Variants in GULP1 observed in about 807,000 individuals in gnomAD.
The protein encoded by GULP1 is GULP PTB domain containing engulfment adaptor 1, also known as PTB domain-containing engulfment adapter protein 1.
A neutral mutation model predicts 40.9 loss-of-function variants in GULP1; 19 were observed. The ratio of observed to expected loss-of-function variants is 0.46; its 90% confidence interval spans 0.32 to 0.68. The LOEUF (loss-of-function observed/expected upper bound fraction) is 0.68. Among genes scored for constraint, GULP1 ranks in the 30% least tolerant of loss-of-function variants. The pLI, the probability that GULP1 is intolerant of heterozygous loss-of-function variation, is 0.03. For synonymous variants in GULP1, 119 were observed against 117.6 expected, an observed-to-expected ratio of 1.01 and a Z score of -0.08; for missense variants, 312 against 362.2, an observed-to-expected ratio of 0.86 and a Z score of 1.12.
chr2:188,370,345 C>T (rs950447416), intron 1 of GULP1, among the ~76,000 whole-genome samples: 15 of 148,714 alleles, frequency 1.0e-4, no homozygotes, highest in Non-Finnish European at 4.6e-5. Flanking sequence ...GTACCTAGCA[C>T]AGAAACTTGC....
At chr2:188,358,026 A>T (rs1456904803) in intron 1 of GULP1, among the ~76,000 whole-genome samples, 3 of 152,104 alleles carry the variant, frequency 2.0e-5, no homozygotes, top group Admixed American at 6.6e-5. Context: ...TAAAAAAAAT[A>T]AAAAATTAGT....
chr2:188,482,361 A>G (rs1338099829), intron 3 of GULP1, among the ~76,000 whole-genome samples: 1 of 151,946 alleles, frequency 6.6e-6, no homozygotes, highest in Non-Finnish European at 1.5e-5. Flanking sequence ...TAATGTTGAA[A>G]CTACTTTGTT....
intron 1 of GULP1, among the ~76,000 whole-genome samples, chr2:188,375,132 C>G (rs1026056634): frequency 1.3e-5 from 2 of 152,102 alleles, no homozygotes; most frequent in African/African-American, 4.8e-5. Context: ...TAACAGCAGA[C>G]AAATTTGTAT....
At chr2:188,462,601 G>T (rs2059799887) in intron 2 of GULP1, among the ~76,000 whole-genome samples, 1 of 152,096 alleles carries the variant, frequency 6.6e-6, no homozygotes, top group African/African-American at 2.4e-5. Context: ...GTGCTCCAGT[G>T]TTGGGTGCAT....
chr2:188,414,595 T>A (rs1377841196), intron 2 of GULP1, among the ~76,000 whole-genome samples: 4 of 152,188 alleles, frequency 2.6e-5, no homozygotes, highest in African/African-American at 9.6e-5. Context: ...CTCAAAAGAA[T>A]GCCGAAGCTG....
At chr2:188,314,114 T>A (rs1326323307) in intron 1 of GULP1, among the ~76,000 whole-genome samples, 1 of 152,106 alleles carries the variant, frequency 6.6e-6, no homozygotes, top group East Asian at 1.9e-4. Context: ...TTAGTCATTT[T>A]TAGTTGTGGA....
intron 4 of GULP1, among the ~76,000 whole-genome samples, chr2:188,492,471 G>C (rs1396376491): frequency 6.6e-6 from 1 of 151,852 alleles, no homozygotes; most frequent in African/African-American, 2.4e-5. Flanking sequence ...ATATAAACAA[G>C]ACTCCACCAA....
chr2:188,506,262 C>T (rs1490198133), intron 4 of GULP1, among the ~76,000 whole-genome samples: 1 of 151,660 alleles, frequency 6.6e-6, no homozygotes, highest in East Asian at 1.9e-4. Context: ...TAATTAAATT[C>T]CTGGAGTTAT....
Position 188,539,590 on chromosome 2 carries a change from A to G in GULP1, c.262-1591A>G, listed in dbSNP as rs139828458. Among the ~76,000 whole-genome samples the G allele has an allele frequency of 5.4e-3, 823 of 152,262 alleles. 1 individual carries two copies. Among genetic ancestry groups the G allele is most frequent in the Non-Finnish European group, 7.9e-3 (537 of 67,986 alleles). On this transcript the variant is annotated intron_variant, in intron 6 of 11. Transcript: ENST00000409830. Reference sequence around the variant, plus strand: ...TGCTTTTAAACAGATGAATTAGGCTATCTAATAATGCCAGTAAGCATTACA... The same window carrying G: ...TGCTTTTAAACAGATGAATTAGGCTGTCTAATAATGCCAGTAAGCATTACA...
chr2:188,352,686 T>A (rs1356615363), intron 1 of GULP1, among the ~76,000 whole-genome samples: 3 of 142,400 alleles, frequency 2.1e-5, no homozygotes, highest in East Asian at 2.2e-4. Context: ...TAAATAACAG[T>A]CATACAGCTT....
rs1205388565 is a variant in GULP1, at chr2:188,335,947, A to G, written c.-172+43781A>G. ...ATGTTACAGATATGTCTCCCTTAGCATATTATTAAGAGAATATAAACTCAG... is the reference window on the plus strand; with the variant it reads ...ATGTTACAGATATGTCTCCCTTAGCGTATTATTAAGAGAATATAAACTCAG... On this transcript the variant is annotated intron_variant, in intron 1 of 11. Coordinates refer to ENST00000409830, the MANE Select transcript of GULP1 (RefSeq NM_016315.4). Among the ~76,000 whole-genome samples the G allele has an allele frequency of 2.0e-5, 3 of 152,324 alleles. No homozygotes were observed. In the East Asian group the frequency reaches 5.8e-4, roughly 29 times the overall value.
At chr2:188,563,331 A>T (rs1025412782) in intron 7 of GULP1, among the ~76,000 whole-genome samples, 5 of 151,760 alleles carry the variant, frequency 3.3e-5, no homozygotes, top group African/African-American at 4.8e-5. Flanking sequence ...GTAGCTGCAG[A>T]TCCTATATTC....
intron 1 of GULP1, among the ~76,000 whole-genome samples, chr2:188,348,822 C>G (rs2044058380): frequency 6.6e-6 from 1 of 152,120 alleles, no homozygotes; most frequent in Non-Finnish European, 1.5e-5. Context: ...GAACCAGTCC[C>G]CCTCCGATAT....
At chr2:188,522,180 T>C (rs1429699185) in intron 4 of GULP1, among the ~76,000 whole-genome samples, 1 of 152,216 alleles carries the variant, frequency 6.6e-6, no homozygotes, top group Non-Finnish European at 1.5e-5. Flanking sequence ...ATCTTGGCTA[T>C]TAAAAGAAGC....
intron 2 of GULP1, among the ~76,000 whole-genome samples, chr2:188,441,290 T>TACATACACC (rs1434247134): frequency 5.9e-5 from 9 of 152,324 alleles, no homozygotes; most frequent in Admixed American, 3.3e-4. Context: ...TATCTGGCTT[T>TACATACACC]CTATACACCC....
At chr2:188,345,571 TTGAAAA>T (rs1419984426) in intron 1 of GULP1, among the ~76,000 whole-genome samples, 2 of 152,236 alleles carry the variant, frequency 1.3e-5, no homozygotes, top group African/African-American at 4.8e-5. Flanking sequence ...TTGTTGCCTG[TTGAAAA>T]TAGTTTTAGC....
At chr2:188,478,934 A>G (rs1463731937) in intron 3 of GULP1, among the ~76,000 whole-genome samples, 2 of 152,158 alleles carry the variant, frequency 1.3e-5, no homozygotes, top group Non-Finnish European at 2.9e-5. Context: ...AAAGACTGAG[A>G]TGACTTCAGG....
intron 2 of GULP1, among the ~76,000 whole-genome samples, chr2:188,470,872 A>G (rs1036098821): frequency 1.3e-5 from 2 of 152,166 alleles, no homozygotes; most frequent in Admixed American, 1.3e-4. Context: ...GAGGAAAATA[A>G]TGTGTATTCT....
chr2:188,369,922 C>G (rs1298561546), intron 1 of GULP1, among the ~76,000 whole-genome samples: 1 of 152,132 alleles, frequency 6.6e-6, no homozygotes, highest in African/African-American at 2.4e-5. Flanking sequence ...TGGCTCACGT[C>G]AGTCTTGACT....
Sources: gnomAD v4.1 joint callset for allele counts (sites outside exome capture counted in the v4.1 genomes callset) on GRCh38, gnomAD v4.1.1 for gene constraint, MANE v1.5 for transcripts, NCBI Gene and HGNC (gene_info 2026-07-23, HGNC 2026-07-21) for gene names.